DPT: variants seen among roughly 807,000 people sequenced by gnomAD.
The protein encoded by DPT is dermatopontin.
In DPT, 21 loss-of-function variants were observed where a neutral mutation model predicts 31.2. The ratio of observed to expected loss-of-function variants is 0.67; its 90% CI spans 0.48 to 0.97. The LOEUF (loss-of-function observed/expected upper bound fraction) is 0.97, where lower values mean the gene tolerates loss of function less well. Ranked by LOEUF, DPT falls within the 50% of genes least tolerant of loss-of-function variation. The probability of loss-of-function intolerance (pLI) is 0.00; values close to 1 mark genes in which losing one functional copy is unlikely to be tolerated. For synonymous variants in DPT, 91 were observed against 86.9 expected (o/e 1.05, Z -0.26); for missense variants, 262 against 258.8 (o/e 1.01, Z -0.08).
In DPT at chr1:168,719,958, G is replaced by T. The variant is rs372666115; in HGVS notation, c.306-5612C>A. Among the ~76,000 whole-genome samples the T allele has an allele frequency of 3.9e-5, 6 of 152,144 alleles. No individual in the cohort carries two copies. The East Asian group carries it at 7.7e-4, about 20-fold the overall frequency. On this transcript the variant is annotated intron_variant, in intron 1 of 3. Transcript: ENST00000367817. Reference sequence around the variant, plus strand: ...AAACACATTTGTGAACCTATTCTGAGAAAGTGGACTTTCTGAAAATGATTT... The same window carrying T: ...AAACACATTTGTGAACCTATTCTGATAAAGTGGACTTTCTGAAAATGATTT...
At position 168,696,598 on chromosome 1, in the gene DPT, A is replaced by T. The variant is rs769328152; in HGVS notation, c.557T>A (p.Phe186Tyr). ...GTATTCAGTCATCCGGCACATTATG[A>T]ACTTCCACTGGCGATCCCTGTGGGA... ...SAVERDRQWK[F>Y]IMCRMTEYDC... Residue 186 changes from phenylalanine to tyrosine, a missense_variant, in exon 4 of 4, where the codon TTC becomes TAC. By Grantham distance (22) the Phe-to-Tyr change is conservative. Coordinates refer to ENST00000367817, the MANE Select transcript of DPT (RefSeq NM_001937.5). 1.2e-6 allele frequency: 2 copies of T among 1,613,922 alleles called. No individual in the cohort carries two copies. Among genetic ancestry groups the T allele is most frequent in the East Asian group, 4.5e-5 (2 of 44,890 alleles).
At chr1:168,711,334 A>G (rs1400539591) in intron 2 of DPT, among the ~76,000 whole-genome samples, 2 of 152,100 alleles carry the variant, frequency 1.3e-5, no homozygotes, top group Non-Finnish European at 2.9e-5. Context: ...CAAATTTTCT[A>G]AAACCAGTGA....
chr1:168,722,986 A>C (rs1226130658), intron 1 of DPT, among the ~76,000 whole-genome samples: 1 of 152,182 alleles, frequency 6.6e-6, no homozygotes, highest in Non-Finnish European at 1.5e-5. Context: ...AGCTTTTGCC[A>C]TCCTTACAAG....
At chr1:168,719,495 C>T (rs1189610398) in intron 1 of DPT, among the ~76,000 whole-genome samples, 4 of 152,102 alleles carry the variant, frequency 2.6e-5, no homozygotes, top group African/African-American at 7.2e-5. Flanking sequence ...AGATGGGTAG[C>T]GGTCAAATGA....
intron 2 of DPT, among the ~76,000 whole-genome samples, chr1:168,711,024 T>C (rs1649843756): frequency 6.6e-6 from 1 of 151,776 alleles, no homozygotes. Context: ...TTCTTCTTTT[T>C]TTTTGAGTCA....
chr1:168,696,709 G>A (rs1310422508), intron 3 of DPT, 94 bp from the exon 4 acceptor site: 1 of 1,159,512 alleles, frequency 8.6e-7, no homozygotes. Flanking sequence ...AACATTTGGA[G>A]GATCTGGGAA....
intron 1 of DPT, among the ~76,000 whole-genome samples, chr1:168,727,550 T>C (rs1650278044): frequency 6.6e-6 from 1 of 150,968 alleles, no homozygotes. Context: ...TTTTTTTTTT[T>C]TTTTTGAGGC....
chr1:168,713,049 C>A (rs1285405681), intron 2 of DPT, among the ~76,000 whole-genome samples: 1 of 152,092 alleles, frequency 6.6e-6, no homozygotes, highest in African/African-American at 2.4e-5. Flanking sequence ...GAAAGGCCAA[C>A]ACAGAGACTG....
intron 2 of DPT, among the ~76,000 whole-genome samples, chr1:168,708,522 A>G (rs1649771708): frequency 6.6e-6 from 1 of 152,368 alleles, no homozygotes; most frequent in East Asian, 1.9e-4. Context: ...TCTCTATAGT[A>G]ATAGCTTCCA....
chr1:168,709,120 A>G (rs1458241313), intron 2 of DPT, among the ~76,000 whole-genome samples: 3 of 152,236 alleles, frequency 2.0e-5, no homozygotes, highest in African/African-American at 7.2e-5. Flanking sequence ...GTCAAAAGAT[A>G]TTATCCAATG....
chr1:168,700,269 C>T (rs1189547703), intron 3 of DPT, among the ~76,000 whole-genome samples: 2 of 152,112 alleles, frequency 1.3e-5, no homozygotes, highest in Admixed American at 1.3e-4. Flanking sequence ...TGCGTGAGGA[C>T]ACAGTAATAA....
chr1:168,720,712 G>A (rs1012143360), intron 1 of DPT, among the ~76,000 whole-genome samples: 2 of 152,114 alleles, frequency 1.3e-5, no homozygotes, highest in African/African-American at 2.4e-5. Context: ...CTAGACAAGT[G>A]GCTCACTCCA....
At chr1:168,722,510 C>A (rs1207612000) in intron 1 of DPT, among the ~76,000 whole-genome samples, 1 of 152,130 alleles carries the variant, frequency 6.6e-6, no homozygotes, top group African/African-American at 2.4e-5. Context: ...TTGTGCTTAG[C>A]ACTATGCGTG....
At chr1:168,697,400 C>T (rs528412456) in intron 3 of DPT, among the ~76,000 whole-genome samples, 2 of 152,308 alleles carry the variant, frequency 1.3e-5, no homozygotes, top group African/African-American at 4.8e-5. Flanking sequence ...GAAAACACTG[C>T]TACAGAGGAA....
At chr1:168,706,746 C>T (rs1649723569) in intron 2 of DPT, among the ~76,000 whole-genome samples, 1 of 152,206 alleles carries the variant, frequency 6.6e-6, no homozygotes, top group South Asian at 2.1e-4. Flanking sequence ...AATAACAGTT[C>T]CAGGGATATC....
At chr1:168,700,405 T>G (rs1241368474) in intron 3 of DPT, among the ~76,000 whole-genome samples, 3 of 152,216 alleles carry the variant, frequency 2.0e-5, no homozygotes, top group Non-Finnish European at 4.4e-5. Flanking sequence ...TTACCCAGTC[T>G]AAGGTAATGT....
intron 1 of DPT, among the ~76,000 whole-genome samples, chr1:168,718,590 A>G (rs1228488870): frequency 6.6e-6 from 1 of 152,058 alleles, no homozygotes; most frequent in Non-Finnish European, 1.5e-5. Context: ...GTACCTTTTC[A>G]CACTGTGGGG....
At chr1:168,722,849 AACACACACACAC>A (rs10585221) in intron 1 of DPT, among the ~76,000 whole-genome samples, 25 of 149,828 alleles carry the variant, frequency 1.7e-4, no homozygotes, top group East Asian at 8.0e-4. Flanking sequence ...CCCTCAAAGA[AACACACACACAC>A]ACACACACAC....
intron 2 of DPT, among the ~76,000 whole-genome samples, chr1:168,713,393 G>C (rs1649908425): frequency 6.6e-6 from 1 of 152,238 alleles, no homozygotes; most frequent in Admixed American, 6.5e-5. Flanking sequence ...TCTGATTGCA[G>C]AGAATAAGCA....
Sources: allele counts gnomAD v4.1 joint callset (sites outside exome capture counted in the v4.1 genomes callset), GRCh38; gene constraint gnomAD v4.1.1; transcripts MANE v1.5; gene names NCBI Gene and HGNC (gene_info 2026-07-23, HGNC 2026-07-21).